The following GRID1 variants were observed in gnomAD, a reference collection of about 807,000 sequenced individuals.
GRID1 encodes the protein glutamate ionotropic receptor delta type subunit 1.
A neutral mutation model predicts 98.0 loss-of-function variants in GRID1; 28 were observed. The observed-to-expected ratio is 0.29, with a 90% CI of 0.21 to 0.39. GRID1 has a LOEUF of 0.39. Among genes scored for constraint, GRID1 ranks in the 10% least tolerant of loss-of-function variants. The pLI is 1.00. For synonymous variants in GRID1, 553 were observed against 538.5 expected (o/e 1.03, Z -0.37); for missense variants, 1,111 against 1,340.5 (o/e 0.83, Z 2.67).
chr10:85,807,888 C>T (rs1323080812), intron 8 of GRID1, among the ~76,000 whole-genome samples: 1 of 152,110 alleles, frequency 6.6e-6, no homozygotes, highest in Non-Finnish European at 1.5e-5. Context: ...TCAAGAGAAA[C>T]TCTTGTACAT....
At chr10:86,329,749 C>T (rs374311942) in intron 2 of GRID1, among the ~76,000 whole-genome samples, 3 of 152,106 alleles carry the variant, frequency 2.0e-5, no homozygotes, top group African/African-American at 7.2e-5. Context: ...CCAGTCTACC[C>T]CTGCTCATGC....
chr10:86,181,414 C>T (rs188611130), intron 3 of GRID1, among the ~76,000 whole-genome samples: 3 of 152,300 alleles, frequency 2.0e-5, no homozygotes, highest in Non-Finnish European at 4.4e-5. Flanking sequence ...CCAGTGGACA[C>T]TAACATGAAC....
chr10:85,651,166 C>G (rs759539269), intron 12 of GRID1, among the ~76,000 whole-genome samples: 20 of 152,204 alleles, frequency 1.3e-4, no homozygotes, highest in Non-Finnish European at 2.6e-4. Context: ...TTTCATAACT[C>G]ATACCCAACT....
chr10:86,066,901 A>G (rs964398667), intron 4 of GRID1, among the ~76,000 whole-genome samples: 2 of 152,176 alleles, frequency 1.3e-5, no homozygotes, highest in African/African-American at 4.8e-5. Flanking sequence ...CGGCACAAGC[A>G]TCCCATAGGT....
intron 8 of GRID1, among the ~76,000 whole-genome samples, chr10:85,752,402 C>T (rs1842056565): frequency 2.0e-5 from 3 of 152,104 alleles, no homozygotes; most frequent in Admixed American, 2.0e-4. Flanking sequence ...AAGCCTCACA[C>T]CAATATACGA....
At chr10:86,167,862 C>T (rs1845423166) in intron 3 of GRID1, among the ~76,000 whole-genome samples, 2 of 152,024 alleles carry the variant, frequency 1.3e-5, no homozygotes, top group Admixed American at 6.6e-5. Flanking sequence ...GAGAAGAAGA[C>T]GCTGTGCTCC....
chr10:85,795,892 G>T (rs118092995), intron 8 of GRID1, among the ~76,000 whole-genome samples: 5,028 of 152,248 alleles, frequency 0.033, 127 homozygotes, highest in Non-Finnish European at 0.047. Flanking sequence ...CTGTTATGAA[G>T]AACTGAAGGA....
chr10:86,238,254 G>A (rs1846572148), intron 2 of GRID1, among the ~76,000 whole-genome samples: 1 of 152,242 alleles, frequency 6.6e-6, no homozygotes, highest in Non-Finnish European at 1.5e-5. Flanking sequence ...TCACAGGCCT[G>A]GAGGCCTAGG....
intron 4 of GRID1, among the ~76,000 whole-genome samples, chr10:85,943,282 A>G (rs1842017523): frequency 6.6e-6 from 1 of 152,200 alleles, no homozygotes; most frequent in African/African-American, 2.4e-5. Flanking sequence ...AGGAAATTTA[A>G]TAAAGAATGC....
At chr10:85,958,108 C>CTAGGCCAA in intron 4 of GRID1, among the ~76,000 whole-genome samples, 1 of 152,262 alleles carries the variant, frequency 6.6e-6, no homozygotes, top group South Asian at 2.1e-4. Flanking sequence ...AGAAACCCCT[C>CTAGGCCAA]TGACCCCTGC....
intron 4 of GRID1, among the ~76,000 whole-genome samples, chr10:86,005,479 G>A (rs1842850088): frequency 6.6e-6 from 1 of 152,146 alleles, no homozygotes; most frequent in Non-Finnish European, 1.5e-5. Context: ...TAGGTAGCAG[G>A]GGAACAAGGG....
chr10:85,634,249 C>CCTCTCTCCCTCTCTCTCTCTCTCT (rs1554860993), intron 13 of GRID1, among the ~76,000 whole-genome samples: 5 of 92,314 alleles, frequency 5.4e-5, no homozygotes, highest in Non-Finnish European at 1.0e-4. Context: ...TGATGGGGCA[C>CCTCTCTCCCTCTCTCTCTCTCTCT]CTCTCTCTCT....
chr10:85,614,342 G>C (rs1197097973), intron 14 of GRID1, among the ~76,000 whole-genome samples: 1 of 152,212 alleles, frequency 6.6e-6, no homozygotes, highest in African/African-American at 2.4e-5. Flanking sequence ...ACATGTAAGG[G>C]GAAGCTTGAA....
chr10:86,337,272 T>C (rs1358157984), intron 2 of GRID1, among the ~76,000 whole-genome samples: 2 of 152,098 alleles, frequency 1.3e-5, no homozygotes, highest in Non-Finnish European at 2.9e-5. Context: ...CACTCCAACC[T>C]GCATGTAGGC....
intron 12 of GRID1, among the ~76,000 whole-genome samples, chr10:85,704,781 A>G (rs1044823161): frequency 3.3e-5 from 5 of 152,240 alleles, no homozygotes; most frequent in African/African-American, 1.2e-4. Context: ...TTCAGACCAC[A>G]GTGCAATCAA....
intron 8 of GRID1, among the ~76,000 whole-genome samples, chr10:85,739,940 A>T (rs956362775): frequency 6.6e-6 from 1 of 152,164 alleles, no homozygotes; most frequent in Admixed American, 6.5e-5. Context: ...GATTATAAGG[A>T]ATGTTCATCT....
chr10:85,682,825 T>G (rs562623964), intron 12 of GRID1, among the ~76,000 whole-genome samples: 2 of 152,204 alleles, frequency 1.3e-5, no homozygotes, highest in Non-Finnish European at 2.9e-5. Flanking sequence ...GGAATGTAGC[T>G]GCTTGGAAAG....
At chr10:85,768,476 T>C (rs751266485) in intron 8 of GRID1, among the ~76,000 whole-genome samples, 69 of 152,094 alleles carry the variant, frequency 4.5e-4, no homozygotes, top group South Asian at 8.3e-4. Flanking sequence ...GATGAAAATA[T>C]TGGCAATGTC....
intron 4 of GRID1, among the ~76,000 whole-genome samples, chr10:86,043,006 G>T (rs1843368586): frequency 6.6e-6 from 1 of 152,026 alleles, no homozygotes. Context: ...GATCCCTTGA[G>T]CCAGTGAGGT....
Sources: allele counts gnomAD v4.1 joint callset (sites outside exome capture counted in the v4.1 genomes callset), GRCh38; gene constraint gnomAD v4.1.1; transcripts MANE v1.5; gene names NCBI Gene and HGNC (gene_info 2026-07-23, HGNC 2026-07-21).